ZNF385D: variants seen among roughly 807,000 people sequenced by gnomAD.
ZNF385D encodes the protein zinc finger protein 385D.
A neutral mutation model predicts 35.8 loss-of-function variants in ZNF385D; 15 were observed. The observed-to-expected ratio is 0.42, with a 90% CI of 0.28 to 0.64. ZNF385D has a LOEUF of 0.64. Ranked by LOEUF, ZNF385D falls within the 30% of genes least tolerant of loss-of-function variation. The pLI, the probability that ZNF385D is intolerant of heterozygous loss-of-function variation, is 0.23. For synonymous variants in ZNF385D, 212 were observed against 186.8 expected (o/e 1.13, Z -1.10); for missense variants, 474 against 494.6 (o/e 0.96, Z 0.39).
chr3:22,131,617 A>G (rs1703794538), intron 3 of ZNF385D, among the ~76,000 whole-genome samples: 1 of 152,168 alleles, frequency 6.6e-6, no homozygotes, highest in Non-Finnish European at 1.5e-5. Context: ...CAAAGGTATA[A>G]GTGGAAGGGA....
intron 3 of ZNF385D, among the ~76,000 whole-genome samples, chr3:22,022,379 C>A (rs1175296742): frequency 6.6e-6 from 1 of 152,026 alleles, no homozygotes; most frequent in Non-Finnish European, 1.5e-5. Context: ...ATTTTGAATG[C>A]TGAAAAGATC....
At position 21,987,988 on chromosome 3, in the gene ZNF385D, C is replaced by T. The variant is rs1409411339; in HGVS notation, c.325+180829G>A. ...GCTCCTGAAGCTTCTGCATTCTTCA[C>T]GTAGTTCTCGAGCCTTGGTTTTCAG... On this transcript the variant is annotated intron_variant, in intron 3 of 5. Coordinates refer to the ZNF385D transcript ENST00000494108. Among the ~76,000 whole-genome samples, 7 of 146,792 alleles carry T rather than the reference C, an allele frequency of 4.8e-5. 1 individual carries two copies. The highest frequency in any genetic ancestry group is 9.1e-5 in the Non-Finnish European group (6 of 65,954).
chr3:22,201,609 C>T (rs1247089816), intron 2 of ZNF385D, among the ~76,000 whole-genome samples: 1 of 151,916 alleles, frequency 6.6e-6, no homozygotes, highest in Admixed American at 6.6e-5. Flanking sequence ...TTTATCTCAA[C>T]CAAAACATTG....
chr3:21,718,421 TC>T (rs1283586626), intron 1 of ZNF385D, among the ~76,000 whole-genome samples: 2 of 152,232 alleles, frequency 1.3e-5, no homozygotes, highest in Non-Finnish European at 2.9e-5. Flanking sequence ...TAGTCAGCCA[TC>T]TGTAGCCACC....
chr3:21,445,896 A>G (rs1360854598), intron 4 of ZNF385D, among the ~76,000 whole-genome samples: 2 of 152,176 alleles, frequency 1.3e-5, no homozygotes, highest in Non-Finnish European at 2.9e-5. Flanking sequence ...TTTTCAAATA[A>G]TATTTATTTC....
At chr3:21,847,985 C>A (rs1318682679) in intron 3 of ZNF385D, among the ~76,000 whole-genome samples, 1 of 152,002 alleles carries the variant, frequency 6.6e-6, no homozygotes, top group African/African-American at 2.4e-5. Flanking sequence ...AGCAACTCCT[C>A]ATTTCTCCTT....
In ZNF385D at chr3:21,455,115, G is replaced by A. The variant is rs535687764; in HGVS notation, c.440-17912C>T. 1.8e-3 allele frequency among the ~76,000 whole-genome samples: 268 copies of A among 152,262 alleles called. 1 individual carries two copies. Among genetic ancestry groups the A allele is most frequent in the Middle Eastern group, 6.8e-3 (2 of 294 alleles). On this transcript the variant is annotated intron_variant, in intron 4 of 7. Coordinates refer to ENST00000281523, the MANE Select transcript of ZNF385D (RefSeq NM_024697.3). ...ACAAACAAATGGAAGAACATTCCACGCTCATGGATAGGAAGAATCAATATC... is the reference window on the plus strand; with the variant it reads ...ACAAACAAATGGAAGAACATTCCACACTCATGGATAGGAAGAATCAATATC...
intron 4 of ZNF385D, among the ~76,000 whole-genome samples, chr3:21,481,747 T>C (rs1355488223): frequency 3.3e-5 from 5 of 152,154 alleles, no homozygotes; most frequent in Admixed American, 6.6e-5. Context: ...GGAAGTCACC[T>C]TTCTGAAACC....
intron 3 of ZNF385D, among the ~76,000 whole-genome samples, chr3:22,058,217 G>C (rs1220714336): frequency 6.6e-6 from 1 of 152,142 alleles, no homozygotes; most frequent in Non-Finnish European, 1.5e-5. Flanking sequence ...GTTGAAAAAA[G>C]CAAACTGTAT....
chr3:22,250,704 G>C (rs977266894), intron 2 of ZNF385D, among the ~76,000 whole-genome samples: 10 of 152,076 alleles, frequency 6.6e-5, no homozygotes, highest in Non-Finnish European at 1.3e-4. Flanking sequence ...CACAGGTTAT[G>C]CATGCACAAA....
chr3:21,979,007 T>A (rs920007511), intron 3 of ZNF385D, among the ~76,000 whole-genome samples: 3 of 152,196 alleles, frequency 2.0e-5, no homozygotes, highest in Non-Finnish European at 2.9e-5. Flanking sequence ...GCTTCCAAAA[T>A]TCAGGCTCAC....
At chr3:21,805,092 T>C (rs62239198) in intron 3 of ZNF385D, among the ~76,000 whole-genome samples, 11,981 of 152,230 alleles carry the variant, frequency 0.079, 525 homozygotes, top group Non-Finnish European at 0.099. Flanking sequence ...TTAAGGAAAG[T>C]GACTCTAATT....
At chr3:21,765,646 A>C (rs4331692) in intron 3 of ZNF385D, among the ~76,000 whole-genome samples, 48,467 of 150,946 alleles carry the variant, frequency 0.32, 8,163 homozygotes, top group East Asian at 0.44. Context: ...ACAACAACAA[A>C]AAAAAAATAG....
chr3:21,912,720 T>A (rs1700021153), intron 3 of ZNF385D, among the ~76,000 whole-genome samples: 1 of 152,076 alleles, frequency 6.6e-6, no homozygotes, highest in South Asian at 2.1e-4. Context: ...ATTCAATTAA[T>A]GATATTATAT....
At chr3:22,220,943 C>T (rs1185342088) in intron 2 of ZNF385D, among the ~76,000 whole-genome samples, 1 of 152,118 alleles carries the variant, frequency 6.6e-6, no homozygotes, top group Non-Finnish European at 1.5e-5. Context: ...TAAACTTTCC[C>T]TTGGAAAGAA....
chr3:21,455,877 T>A (rs1702775046), intron 4 of ZNF385D, among the ~76,000 whole-genome samples: 1 of 150,718 alleles, frequency 6.6e-6, no homozygotes, highest in African/African-American at 2.4e-5. Context: ...TACAATGAAC[T>A]CAAACAAATT....
At chr3:22,345,876 T>A (rs546184683) in intron 2 of ZNF385D, among the ~76,000 whole-genome samples, 5 of 152,228 alleles carry the variant, frequency 3.3e-5, no homozygotes, top group Non-Finnish European at 7.3e-5. Flanking sequence ...GTCTGCACTC[T>A]TGCCCAAGTC....
chr3:21,954,259 T>G (rs1035192737), intron 3 of ZNF385D, among the ~76,000 whole-genome samples: 1 of 152,018 alleles, frequency 6.6e-6, no homozygotes, highest in African/African-American at 2.4e-5. Context: ...TATTCCATTT[T>G]AACACTTACA....
At chr3:21,982,558 A>G (rs74510934) in intron 3 of ZNF385D, among the ~76,000 whole-genome samples, 16,399 of 152,092 alleles carry the variant, frequency 0.11, 1,195 homozygotes, top group South Asian at 0.26. Flanking sequence ...CTCTCTTCCT[A>G]TTTGGAAGCC....
Sources: allele counts gnomAD v4.1 joint callset (sites outside exome capture counted in the v4.1 genomes callset), GRCh38; gene constraint gnomAD v4.1.1; transcripts MANE v1.5; gene names NCBI Gene and HGNC (gene_info 2026-07-23, HGNC 2026-07-21).